PHF14: variants seen among roughly 807,000 people sequenced by gnomAD.
PHF14 encodes PHD finger protein 14.
A neutral mutation model predicts 117.9 loss-of-function variants in PHF14; 55 were observed. The observed-to-expected ratio is 0.47, with a 90% confidence interval of 0.38 to 0.58. PHF14 has a LOEUF of 0.58. Among genes scored for constraint, PHF14 ranks in the 20% least tolerant of loss-of-function variants. The pLI, the probability that PHF14 is intolerant of heterozygous loss-of-function variation, is 0.00. For missense variants in PHF14, 978 were observed against 1,122.2 expected, an observed-to-expected ratio of 0.87 and a Z score of 1.84; for synonymous variants, 409 against 368.6, an observed-to-expected ratio of 1.11 and a Z score of -1.26.
intron 13 of PHF14, 108 bp from the exon 14 acceptor site, chr7:11,051,504 A>T: frequency 7.1e-6 from 6 of 849,720 alleles, no homozygotes; most frequent in Non-Finnish European, 1.1e-5. Flanking sequence ...ACCTGTGTAT[A>T]TTTTTATATA....
chr7:11,035,514 T>C lies in PHF14; in HGVS notation c.1456-126T>C, dbSNP rs1389209175. 7.9e-6 allele frequency: 4 copies of C among 504,932 alleles called. No individual in the cohort carries two copies. The South Asian group carries it at 2.2e-4, about 27-fold the overall frequency. 31.3% of individuals were successfully genotyped at this position (504,932 alleles called of 1,614,324 possible). A position where few individuals can be genotyped will look rare whatever the true frequency, so the allele number is the denominator to read the frequency against. ...TCATTATGTACAAAAATTATTTTTG[T>C]AATTTATTAGATGTAACTAGCACTA... is the stretch of plus-strand genomic sequence containing the variant. On this transcript the variant is annotated intron_variant, in intron 7 of 17. Transcript: ENST00000634607.
At chr7:11,003,261 T>A (rs1453006181) in intron 4 of PHF14, among the ~76,000 whole-genome samples, 1 of 152,186 alleles carries the variant, frequency 6.6e-6, no homozygotes, top group East Asian at 1.9e-4. Flanking sequence ...TAAAATAAAG[T>A]TCACGCTAAT....
At chr7:11,084,009 T>G (rs1024781817) in intron 16 of PHF14, among the ~76,000 whole-genome samples, 36 of 152,320 alleles carry the variant, frequency 2.4e-4, no homozygotes, top group African/African-American at 6.7e-4. Context: ...AATTTGTGGT[T>G]GTTTTTATTG....
intron 4 of PHF14, among the ~76,000 whole-genome samples, chr7:10,997,418 T>C (rs925596725): frequency 6.6e-6 from 1 of 152,152 alleles, no homozygotes; most frequent in Non-Finnish European, 1.5e-5. Context: ...GAGGGAGGGT[T>C]TTTTTCTTTC....
intron 16 of PHF14, among the ~76,000 whole-genome samples, chr7:11,066,143 A>T (rs1426200084): frequency 6.6e-6 from 1 of 152,224 alleles, no homozygotes; most frequent in Non-Finnish European, 1.5e-5. Context: ...TTACATTTAA[A>T]AATCTGGCTT....
intron 17 of PHF14, among the ~76,000 whole-genome samples, chr7:11,133,400 A>C (rs1291384667): frequency 6.6e-6 from 1 of 152,020 alleles, no homozygotes; most frequent in African/African-American, 2.4e-5. Context: ...CCACATAAGT[A>C]TAGTTAACTG....
At chr7:10,977,266 C>G (rs1273975818) in intron 2 of PHF14, among the ~76,000 whole-genome samples, 1 of 152,032 alleles carries the variant, frequency 6.6e-6, no homozygotes, top group Non-Finnish European at 1.5e-5. Context: ...TCTGTCTGAT[C>G]ATATCTTCTT....
chr7:11,167,971 A>G (rs745876100), intron 17 of PHF14, among the ~76,000 whole-genome samples: 2 of 150,910 alleles, frequency 1.3e-5, no homozygotes, highest in Non-Finnish European at 2.9e-5. Flanking sequence ...GCTTGCAGTG[A>G]GCAGAGATCG....
chr7:10,981,919 A>T (rs1022529901), intron 2 of PHF14, among the ~76,000 whole-genome samples: 8 of 152,118 alleles, frequency 5.3e-5, no homozygotes, highest in African/African-American at 1.9e-4. Flanking sequence ...GGTTAGATTT[A>T]TCTTGTTTTG....
rs370132642 is a variant in PHF14 at position 11,061,821 on chromosome 7, C to T, written c.2512C>T (p.Pro838Ser). The T allele has an allele frequency of 1.0e-5, 15 of 1,504,956 alleles. No homozygotes were observed. The African/African-American group carries it at 1.6e-4, about 16-fold the overall frequency. 93.2% of individuals were successfully genotyped at this position (1,504,956 alleles called of 1,614,324 possible). The change falls in exon 15 of 18, where the codon CCT (proline) becomes TCT (serine). Residue 838 changes from proline (P) to serine (S), a missense_variant. Physicochemically the swap from Pro to Ser is moderately conservative, Grantham distance 74 (BLOSUM62 -1). Coordinates refer to ENST00000634607, the MANE Select transcript of PHF14 (RefSeq NM_001007157.2). ...CAGAGGACGAAAACGAAGCTTCGTT[C>T]CTGAGGAAGAAAAACATGAGGTTGG... The part of the protein sequence containing the change: ...RTRGRKRSFV[P>S]EEEKHEERVP...
chr7:11,063,061 G>C (rs1785288307), intron 16 of PHF14: 2 of 837,072 alleles, frequency 2.4e-6, no homozygotes, highest in African/African-American at 3.7e-5. Flanking sequence ...ATCTATTTTG[G>C]TCATTAAAAT....
At chr7:11,086,358 T>G (rs1786409591) in intron 16 of PHF14, among the ~76,000 whole-genome samples, 1 of 152,192 alleles carries the variant, frequency 6.6e-6, no homozygotes, top group African/African-American at 2.4e-5. Flanking sequence ...ATTTAGATCA[T>G]CGCAGGTCAT....
chr7:11,098,534 T>A (rs1562465441), intron 16 of PHF14, among the ~76,000 whole-genome samples: 1 of 152,140 alleles, frequency 6.6e-6, no homozygotes, highest in Non-Finnish European at 1.5e-5. Flanking sequence ...CCCCCAACCT[T>A]CTGGCTCGTT....
intron 3 of PHF14, among the ~76,000 whole-genome samples, chr7:10,987,976 A>G (rs1176418115): frequency 7.0e-6 from 1 of 142,960 alleles, no homozygotes; most frequent in Non-Finnish European, 1.5e-5. Context: ...AGATCCCACC[A>G]TTGCACTCCA....
intron 16 of PHF14, chr7:11,106,487 T>C (rs1251210838): frequency 4.2e-6 from 4 of 948,364 alleles, no homozygotes; most frequent in Admixed American, 6.2e-5. Context: ...GAATAAAATA[T>C]TGTACTTATT....
intron 17 of PHF14, among the ~76,000 whole-genome samples, chr7:11,118,479 T>TA (rs1787659769): frequency 6.6e-6 from 1 of 151,886 alleles, no homozygotes; most frequent in African/African-American, 2.4e-5. Flanking sequence ...TATTAATAAT[T>TA]ATTTGCTTAA....
At chr7:11,074,874 T>C (rs1482096542) in intron 16 of PHF14, among the ~76,000 whole-genome samples, 1 of 151,454 alleles carries the variant, frequency 6.6e-6, no homozygotes, top group Non-Finnish European at 1.5e-5. Context: ...TTCTCAGCCC[T>C]CTAAACTCTT....
chr7:10,986,534 C>G (rs1382031736), intron 3 of PHF14, among the ~76,000 whole-genome samples: 1 of 152,162 alleles, frequency 6.6e-6, no homozygotes, highest in Non-Finnish European at 1.5e-5. Flanking sequence ...TGGACCACAC[C>G]TTGAGAACTG....
At chr7:11,055,236 T>C (rs1351033362) in intron 14 of PHF14, among the ~76,000 whole-genome samples, 1 of 152,220 alleles carries the variant, frequency 6.6e-6, no homozygotes, top group African/African-American at 2.4e-5. Context: ...CCCATATCCC[T>C]TTTGAAGTTA....
Sources: gnomAD v4.1 joint callset for allele counts (sites outside exome capture counted in the v4.1 genomes callset) on GRCh38, gnomAD v4.1.1 for gene constraint, MANE v1.5 for transcripts, NCBI Gene and HGNC (gene_info 2026-07-23, HGNC 2026-07-21) for gene names.